Variants in ANOS1 observed in about 807,000 individuals in gnomAD.
The protein encoded by ANOS1 is anosmin 1.
Under a neutral mutation model 59.0 loss-of-function variants are expected in ANOS1, and 6 were observed. The observed-to-expected ratio is 0.10, with a 90% CI of 0.06 to 0.20. The LOEUF (loss-of-function observed/expected upper bound fraction) is 0.20, where lower values mean the gene tolerates loss of function less well. Among genes scored for constraint, ANOS1 ranks in the 10% least tolerant of loss-of-function variants. The pLI is 1.00. For synonymous variants in ANOS1, 217 were observed against 223.4 expected, an observed-to-expected ratio of 0.97 and a Z score of 0.25; for missense variants, 433 against 542.3, an observed-to-expected ratio of 0.80 and a Z score of 2.00.
intron 1 of ANOS1, among the ~76,000 whole-genome samples, chrX:8,713,908 C>T (rs958093172): frequency 2.7e-5 from 3 of 112,004 alleles, no homozygotes; most frequent in East Asian, 2.8e-4. Flanking sequence ...CCACCGTGTC[C>T]GGCCCAAATG....
At chrX:8,581,334 T>C (rs1464845572) in intron 6 of ANOS1, among the ~76,000 whole-genome samples, 2 of 111,758 alleles carry the variant, frequency 1.8e-5, no homozygotes, top group Admixed American at 9.5e-5. Flanking sequence ...AAGAGTCTTT[T>C]GCCTCCCACC....
At chrX:8,537,837 C>T (rs1314334937) in intron 10 of ANOS1, among the ~76,000 whole-genome samples, 1 of 110,366 alleles carries the variant, frequency 9.1e-6, no homozygotes, top group East Asian at 2.8e-4. Flanking sequence ...ATCTCTGGCA[C>T]TCATTGGATG....
At chrX:8,605,042 G>A (rs189109863) in intron 3 of ANOS1, among the ~76,000 whole-genome samples, 99 of 112,610 alleles carry the variant, frequency 8.8e-4, no homozygotes, top group Non-Finnish European at 1.5e-3. Flanking sequence ...TGTTAAACAA[G>A]ATTTTACAAT....
chrX:8,547,921 T>C (rs927824536), intron 9 of ANOS1, among the ~76,000 whole-genome samples: 4 of 111,521 alleles, frequency 3.6e-5, no homozygotes, highest in African/African-American at 1.3e-4. Context: ...TTCACCATAT[T>C]GGCCAGACTG....
chrX:8,697,383 C>A (rs1932698953), intron 2 of ANOS1, among the ~76,000 whole-genome samples: 1 of 111,827 alleles, frequency 8.9e-6, no homozygotes, highest in Non-Finnish European at 1.9e-5. Flanking sequence ...TTAAGGTAGA[C>A]AGCAGTGTGA....
At chrX:8,595,538 G>A (rs1276646596) in intron 4 of ANOS1, among the ~76,000 whole-genome samples, 2 of 112,183 alleles carry the variant, frequency 1.8e-5, no homozygotes, top group Non-Finnish European at 3.8e-5. Context: ...GATGTGAATT[G>A]TTGTAAGTGT....
At chrX:8,731,036 T>C (rs1026111246) in intron 1 of ANOS1, among the ~76,000 whole-genome samples, 5 of 111,177 alleles carry the variant, frequency 4.5e-5, no homozygotes, top group African/African-American at 1.6e-4. Context: ...CACACACACA[T>C]ACTCCCCACC....
intron 3 of ANOS1, 104 bp from the exon 4 acceptor site, chrX:8,597,360 T>A: frequency 1.5e-6 from 1 of 685,362 alleles, no homozygotes; most frequent in Admixed American, 2.7e-5. Flanking sequence ...ACCAAACCTT[T>A]GTTTGAATAT....
Position 8,535,133 on chromosome X carries a change from A to C in ANOS1, c.1842+458T>G, listed in dbSNP as rs373462181. ...TTTTTTTTTTTTTTGAAGCCAAGGAATTAAGTGGCCTGGAAGACAGGCCAA... is the reference window on the plus strand; with the variant it reads ...TTTTTTTTTTTTTTGAAGCCAAGGACTTAAGTGGCCTGGAAGACAGGCCAA... On this transcript the variant is annotated intron_variant, in intron 12 of 13. Transcript: ENST00000262648. 2.4e-4 allele frequency: 27 copies of C among 114,033 alleles called. No homozygotes were observed. In the East Asian group the frequency reaches 6.1e-3, roughly 26 times the overall value. 9.4% of individuals were successfully genotyped at this position (114,033 alleles called of 1,213,427 possible).
At chrX:8,534,523 C>G in intron 12 of ANOS1, 63 bp from the exon 13 acceptor site, 2 of 1,120,701 alleles carry the variant, frequency 1.8e-6, no homozygotes, top group Non-Finnish European at 2.4e-6. Context: ...ATGCAATGCA[C>G]AGAGAGCCTA....
rs145042616 is a variant in ANOS1, at chrX:8,720,356, C to T, written c.207+11474G>A. On this transcript the variant is annotated intron_variant, in intron 1 of 13. Coordinates refer to ENST00000262648, the MANE Select transcript of ANOS1 (RefSeq NM_000216.4). ...TGTCGAGGACTCCAGCTGCTTGGAA[C>T]GCTTCCCCAAGAATCTCGATAAAAC... Among the ~76,000 whole-genome samples the T allele has an allele frequency of 1.0e-3, 115 of 111,276 alleles. 1 individual carries two copies. Among genetic ancestry groups the T allele is most frequent in the African/African-American group, 3.5e-3 (108 of 30,617 alleles).
intron 3 of ANOS1, among the ~76,000 whole-genome samples, chrX:8,599,504 C>CTGATGA (rs1930803576): frequency 9.0e-6 from 1 of 111,714 alleles, no homozygotes; most frequent in Non-Finnish European, 1.9e-5. Flanking sequence ...GCCTGCTGCT[C>CTGATGA]CTCCCTGATG....
chrX:8,564,973 C>T (rs1930087237), intron 8 of ANOS1, among the ~76,000 whole-genome samples: 2 of 111,460 alleles, frequency 1.8e-5, no homozygotes. Context: ...GAATATCTCC[C>T]TGAGTTACAG....
chrX:8,650,041 C>T (rs1431892288), intron 2 of ANOS1, among the ~76,000 whole-genome samples: 1 of 112,810 alleles, frequency 8.9e-6, no homozygotes, highest in Admixed American at 9.4e-5. Context: ...CAATGACTTG[C>T]CCAGTGTTAC....
At position 8,535,659 on chromosome X, in the gene ANOS1, C is replaced by A; in HGVS notation, c.1774G>T (p.Val592Phe). 8.3e-6 allele frequency: 10 copies of A among 1,210,999 alleles called. No individual in the cohort carries two copies. The highest frequency in any genetic ancestry group is 1.1e-5 in the Non-Finnish European group (10 of 894,637). The change falls in exon 12 of 14, where the codon GTC (valine) becomes TTC (phenylalanine). Residue 592 changes from valine to phenylalanine, a missense_variant. Coordinates refer to ENST00000262648, the MANE Select transcript of ANOS1 (RefSeq NM_000216.4). ...MTGFQVTWAE[V>F]TTESRQNSLP... ...CTGTTCTGTCTGCTTTCCGTAGTGA[C>A]CTCAGCCCAAGTCACTTGAAACCCA...
At chrX:8,549,277 C>A (rs778247287) in intron 9 of ANOS1, among the ~76,000 whole-genome samples, 18 of 112,325 alleles carry the variant, frequency 1.6e-4, no homozygotes, top group Non-Finnish European at 2.8e-4. Context: ...CAAAGTAATA[C>A]GTGTGTATAT....
intron 1 of ANOS1, among the ~76,000 whole-genome samples, chrX:8,719,196 G>C (rs1932859210): frequency 8.9e-6 from 1 of 111,875 alleles, no homozygotes; most frequent in African/African-American, 3.2e-5. Context: ...AGGCTTACAG[G>C]TTTTGGTCAA....
chrX:8,566,832 T>C (rs115416876), intron 8 of ANOS1, among the ~76,000 whole-genome samples: 247 of 111,849 alleles, frequency 2.2e-3, no homozygotes, highest in African/African-American at 7.4e-3. Flanking sequence ...GATCCTACGT[T>C]TTCCCAGGGG....
intron 4 of ANOS1, among the ~76,000 whole-genome samples, 174 bp from the exon 5 acceptor site, chrX:8,588,152 T>G (rs984923362): frequency 1.8e-5 from 2 of 111,896 alleles, no homozygotes; most frequent in Non-Finnish European, 3.8e-5. Context: ...TGACACTCAG[T>G]TCAGCTATTT....
Sources: gnomAD v4.1 joint callset for allele counts (sites outside exome capture counted in the v4.1 genomes callset) on GRCh38, gnomAD v4.1.1 for gene constraint, MANE v1.5 for transcripts, NCBI Gene and HGNC (gene_info 2026-07-23, HGNC 2026-07-21) for gene names.